The following ADGRL3 variants were observed in gnomAD, a reference collection of about 807,000 sequenced individuals.
ADGRL3 encodes the protein calcium-independent alpha-latrotoxin receptor 3.
Under a neutral mutation model 153.5 loss-of-function variants are expected in ADGRL3, and 62 were observed. The ratio of observed to expected loss-of-function variants is 0.40; its 90% CI spans 0.33 to 0.50. The LOEUF (loss-of-function observed/expected upper bound fraction) is 0.50, where lower values mean the gene tolerates loss of function less well. Among genes scored for constraint, ADGRL3 ranks in the 20% least tolerant of loss-of-function variants. The pLI is 0.47. For missense variants in ADGRL3, 1,641 were observed against 1,859.4 expected, an observed-to-expected ratio of 0.88 and a Z score of 2.16; for synonymous variants, 710 against 672.5, an observed-to-expected ratio of 1.06 and a Z score of -0.86.
intron 9 of ADGRL3, 132 bp from the exon 10 acceptor site, chr4:61,892,524 T>A: frequency 1.5e-6 from 1 of 646,784 alleles, no homozygotes; most frequent in Non-Finnish European, 2.7e-6. Context: ...AAAATGAAAA[T>A]CAGGTTGAAG....
At chr4:62,011,885 G>GT (rs1266609713) in intron 21 of ADGRL3, among the ~76,000 whole-genome samples, 1 of 151,964 alleles carries the variant, frequency 6.6e-6, no homozygotes, top group Non-Finnish European at 1.5e-5. Context: ...TAATCTTGTG[G>GT]TTTTTAGGAG....
At chr4:61,642,794 CT>C (rs2093747852) in intron 5 of ADGRL3, among the ~76,000 whole-genome samples, 1 of 152,008 alleles carries the variant, frequency 6.6e-6, no homozygotes, top group African/African-American at 2.4e-5. Flanking sequence ...TCCATATGAA[CT>C]TTAAAGTAGT....
At position 62,006,003 on chromosome 4, in the gene ADGRL3, C is replaced by CACATAT. The variant is rs1230956055; in HGVS notation, c.3395+7739_3395+7740insCATATA. ...ACACACACACACACACACACACACACATATATATATATATATATATATATA... is the reference window on the plus strand; with the variant it reads ...ACACACACACACACACACACACACACACATATATATATATATATATATATATATATA... On this transcript the variant is annotated intron_variant, in intron 21 of 26. Transcript: ENST00000683033. 3.4e-3 allele frequency among the ~76,000 whole-genome samples: 165 copies of CACATAT among 48,976 alleles called. 1 individual carries two copies. The highest frequency in any genetic ancestry group is 9.9e-3 in the East Asian group (11 of 1,114). 32.1% of individuals were successfully genotyped at this position (48,976 alleles called of 152,430 possible).
chr4:61,213,951 A>C (rs548215445), intron 1 of ADGRL3, among the ~76,000 whole-genome samples: 1 of 152,244 alleles, frequency 6.6e-6, no homozygotes, highest in Non-Finnish European at 1.5e-5. Flanking sequence ...ATCCAGATGC[A>C]TCATTGCCTT....
At chr4:61,545,862 T>G (rs1028191262) in intron 4 of ADGRL3, among the ~76,000 whole-genome samples, 1 of 141,982 alleles carries the variant, frequency 7.0e-6, no homozygotes, top group Non-Finnish European at 1.5e-5. Context: ...GTTTCAAAAA[T>G]CTTTCTTATA....
intron 9 of ADGRL3, among the ~76,000 whole-genome samples, chr4:61,831,100 GCTGGTCTCAAATGC>G (rs1459754170): frequency 4.0e-5 from 6 of 150,854 alleles, no homozygotes; most frequent in Non-Finnish European, 5.9e-5. Flanking sequence ...TGTTGGCCAG[GCTGGTCTCAAATGC>G]CTGACCTCAA....
intron 8 of ADGRL3, among the ~76,000 whole-genome samples, chr4:61,784,030 ATAAAG>A (rs1432562020): frequency 1.3e-5 from 2 of 152,132 alleles, no homozygotes; most frequent in Non-Finnish European, 2.9e-5. Flanking sequence ...CCCAAAGAGA[ATAAAG>A]TAATATGTTT....
intron 1 of ADGRL3, among the ~76,000 whole-genome samples, chr4:61,275,372 TG>T (rs2093410107): frequency 6.6e-6 from 1 of 152,160 alleles, no homozygotes; most frequent in Admixed American, 6.6e-5. Context: ...TACCATTTAA[TG>T]ATAGCTAAAT....
intron 2 of ADGRL3, among the ~76,000 whole-genome samples, chr4:61,488,654 C>G (rs2098224150): frequency 6.6e-6 from 1 of 151,886 alleles, no homozygotes; most frequent in Non-Finnish European, 1.5e-5. Flanking sequence ...GTTTTCCCTC[C>G]TGACTTTTGT....
chr4:61,280,540 A>T (rs916707177), intron 1 of ADGRL3, among the ~76,000 whole-genome samples: 5 of 152,132 alleles, frequency 3.3e-5, no homozygotes, highest in Admixed American at 1.3e-4. Context: ...GGTAATAGAG[A>T]TTAAACATTA....
chr4:62,007,187 G>A (rs1193213687), intron 21 of ADGRL3, among the ~76,000 whole-genome samples: 2 of 150,782 alleles, frequency 1.3e-5, no homozygotes, highest in East Asian at 4.0e-4. Context: ...TGTCTCCCAT[G>A]TTCAGGATGT....
At chr4:61,257,668 G>A (rs539423391) in intron 1 of ADGRL3, among the ~76,000 whole-genome samples, 1 of 152,304 alleles carries the variant, frequency 6.6e-6, no homozygotes, top group East Asian at 1.9e-4. Context: ...CAATATGGAT[G>A]TGTTTTGGTA....
chr4:61,271,973 G>A (rs1365021690), intron 1 of ADGRL3, among the ~76,000 whole-genome samples: 1 of 152,008 alleles, frequency 6.6e-6, no homozygotes, highest in Non-Finnish European at 1.5e-5. Context: ...GATCTTTTCA[G>A]TATATGTTAA....
intron 1 of ADGRL3, among the ~76,000 whole-genome samples, chr4:61,325,388 T>C (rs2095444151): frequency 6.6e-6 from 1 of 152,180 alleles, no homozygotes; most frequent in Non-Finnish European, 1.5e-5. Context: ...GATATTTTTA[T>C]TTATGTTGTA....
At chr4:61,708,480 CTT>C (rs553517893) in intron 6 of ADGRL3, among the ~76,000 whole-genome samples, 848 of 74,084 alleles carry the variant, frequency 0.011, 5 homozygotes, top group African/African-American at 0.066. Context: ...GTTTTACAGT[CTT>C]TGTTTTTTTT....
intron 2 of ADGRL3, among the ~76,000 whole-genome samples, chr4:61,474,853 C>T (rs1318726947): frequency 6.6e-6 from 1 of 152,108 alleles, no homozygotes; most frequent in African/African-American, 2.4e-5. Flanking sequence ...TGTAGTATAT[C>T]TCTTCCAAAG....
At chr4:61,986,784 T>C (rs1158155003) in intron 19 of ADGRL3, among the ~76,000 whole-genome samples, 2 of 152,214 alleles carry the variant, frequency 1.3e-5, no homozygotes, top group Non-Finnish European at 2.9e-5. Flanking sequence ...TGTAAATAAA[T>C]TGTCCACACA....
chr4:61,378,119 T>C (rs928962348), intron 1 of ADGRL3, among the ~76,000 whole-genome samples: 29 of 151,986 alleles, frequency 1.9e-4, no homozygotes, highest in African/African-American at 6.8e-4. Context: ...TTAAGCCTAT[T>C]TGGGGATGGG....
At chr4:61,693,221 T>G (rs1025305126) in intron 6 of ADGRL3, among the ~76,000 whole-genome samples, 1 of 152,152 alleles carries the variant, frequency 6.6e-6, no homozygotes, top group African/African-American at 2.4e-5. Context: ...TATTCTCTTA[T>G]GCTTTAATTC....
Sources: allele counts gnomAD v4.1 joint callset (sites outside exome capture counted in the v4.1 genomes callset), GRCh38; gene constraint gnomAD v4.1.1; transcripts MANE v1.5; gene names NCBI Gene and HGNC (gene_info 2026-07-23, HGNC 2026-07-21).